LINGO1: variants seen among roughly 807,000 people sequenced by gnomAD.
The protein encoded by LINGO1 is leucine rich repeat and Ig domain containing 1, also known as leucine-rich repeat and immunoglobulin-like domain-containing nogo receptor-interacting protein 1.
Under a neutral mutation model 37.3 loss-of-function variants are expected in LINGO1, and 11 were observed. The observed-to-expected ratio is 0.29, with a 90% CI of 0.19 to 0.49. The LOEUF (loss-of-function observed/expected upper bound fraction) is 0.49, where lower values mean the gene tolerates loss of function less well. Among genes scored for constraint, LINGO1 ranks in the 20% least tolerant of loss-of-function variants. The pLI, the probability that LINGO1 is intolerant of heterozygous loss-of-function variation, is 0.99. For synonymous variants in LINGO1, 387 were observed against 403.0 expected, an observed-to-expected ratio of 0.96 and a Z score of 0.48; for missense variants, 585 against 878.2, an observed-to-expected ratio of 0.67 and a Z score of 4.22.
At chr15:77,790,248 C>T (rs2076808169), upstream of LINGO1, among the ~76,000 whole-genome samples, 1 of 152,226 alleles carries the variant, frequency 6.6e-6, no homozygotes, top group South Asian at 2.1e-4. Flanking sequence ...CACACCCCTG[C>T]CCCTCTCTAA....
intron 2 of LINGO1, among the ~76,000 whole-genome samples, chr15:77,704,094 A>G (rs1442720384): frequency 6.6e-6 from 1 of 152,170 alleles, no homozygotes; most frequent in Non-Finnish European, 1.5e-5. Context: ...ATCCTGTAAG[A>G]TGAGGGCAAT....
chr15:77,724,468 TC>T (rs1242232794), intron 2 of LINGO1, among the ~76,000 whole-genome samples: 2 of 152,028 alleles, frequency 1.3e-5, no homozygotes, highest in African/African-American at 4.8e-5. Flanking sequence ...TCGAACACAT[TC>T]CCCCAGCTGC....
intron 1 of LINGO1, among the ~76,000 whole-genome samples, chr15:77,797,450 T>G (rs1170764889): frequency 6.6e-6 from 1 of 152,212 alleles, no homozygotes; most frequent in East Asian, 1.9e-4. Flanking sequence ...CAGGTGTGAT[T>G]TCCGGATGTG....
At chr15:77,649,714 G>A (rs2074716140) in intron 3 of LINGO1, among the ~76,000 whole-genome samples, 1 of 152,144 alleles carries the variant, frequency 6.6e-6, no homozygotes, top group African/African-American at 2.4e-5. Flanking sequence ...GCAGTTAGGG[G>A]CTCTGGAATC....
chr15:77,638,151 G>C (rs938122217), upstream of LINGO1, among the ~76,000 whole-genome samples: 1 of 152,214 alleles, frequency 6.6e-6, no homozygotes, highest in African/African-American at 2.4e-5. Flanking sequence ...AATGAGGTCT[G>C]GGCCTGGCCC....
chr15:77,646,358 C>T (rs1477826534), intron 3 of LINGO1: 1 of 424,298 alleles, frequency 2.4e-6, no homozygotes, highest in African/African-American at 2.1e-5. Flanking sequence ...ATGGCACCCA[C>T]ATTGGCACCC....
At chr15:77,800,519 C>T (rs1322567741) in intron 1 of LINGO1, among the ~76,000 whole-genome samples, 2 of 152,174 alleles carry the variant, frequency 1.3e-5, no homozygotes, top group Non-Finnish European at 2.9e-5. Context: ...CCCCTCCCCT[C>T]CCCCAGAGCC....
At chr15:77,745,145 A>AC (rs2076301360) in intron 1 of LINGO1, among the ~76,000 whole-genome samples, 2 of 135,104 alleles carry the variant, frequency 1.5e-5, no homozygotes, top group South Asian at 4.8e-4. Flanking sequence ...AAAAAAAAAA[A>AC]GGCTGGGCAC....
Position 77,711,885 on chromosome 15 carries a change from G to GA in LINGO1, c.-194-20985_-194-20984insT, listed in dbSNP as rs199814942. 4.4e-3 allele frequency among the ~76,000 whole-genome samples: 592 copies of GA among 136,076 alleles called. 12 individuals carry two copies. Among genetic ancestry groups the GA allele is most frequent in the Admixed American group, 0.03 (433 of 14,486 alleles). The allele number at this position is 136,076 out of a possible 152,430, so 89.3% of individuals were successfully genotyped here. ...CTAGGCCTCTGTTCTCTCCTCTGAG[G>GA]GGGGGGCACACAGCGACATTCTGCA... On this transcript the variant is annotated intron_variant, in intron 2 of 3. Coordinates refer to the LINGO1 transcript ENST00000561686.
At position 77,726,928 on chromosome 15, in the gene LINGO1, G is replaced by T. The variant is rs569581810; in HGVS notation, c.-195+8064C>A. The stretch of plus-strand genomic sequence containing the variant: ...ATAATCCAATCAAAAATTGGCAAAG[G>T]ACTTGAATAGACATTTCTCAAAAGA... On this transcript the variant is annotated intron_variant, in intron 2 of 3. Transcript: ENST00000561686. Among the ~76,000 whole-genome samples, 7 of 152,270 alleles carry T rather than the reference G, an allele frequency of 4.6e-5. No individual in the cohort carries two copies. The South Asian group carries it at 1.5e-3, about 32-fold the overall frequency.
At chr15:77,780,627 T>C (rs1235562411) in intron 1 of LINGO1, among the ~76,000 whole-genome samples, 1 of 152,012 alleles carries the variant, frequency 6.6e-6, no homozygotes, top group East Asian at 1.9e-4. Flanking sequence ...TCCTGGCAAA[T>C]TTATACATCC....
chr15:77,621,153 C>T (rs1181898692), intron 1 of LINGO1, among the ~76,000 whole-genome samples: 1 of 151,832 alleles, frequency 6.6e-6, no homozygotes, highest in Non-Finnish European at 1.5e-5. Flanking sequence ...CTCCCAGGTT[C>T]AAGTGATTTT....
rs1196933903 is a variant in LINGO1, at chr15:77,632,169, G to A, written c.6+141C>T. 1 of 753,400 alleles carries A rather than the reference G, an allele frequency of 1.3e-6. No homozygotes were observed. Among genetic ancestry groups the A allele is most frequent in the Non-Finnish European group, 1.8e-6 (1 of 550,536 alleles). 46.7% of individuals were successfully genotyped at this position (753,400 alleles called of 1,614,324 possible). A position where few individuals can be genotyped will look rare whatever the true frequency, so the allele number is the denominator to read the frequency against. ...TTTCTGAGGCTTGAGGGGAAATCAG[G>A]CCTATGACCCCAAAGGAGGTCTGGG... On this transcript the variant is annotated intron_variant, in intron 1 of 1. Transcript: ENST00000355300. The surrounding 1 kb of genome is among the most constrained non-coding windows in gnomAD (Gnocchi z 6.0).
In LINGO1 at chr15:77,614,708, T is replaced by G. The variant is rs1312827264; in HGVS notation, c.1199A>C (p.Glu400Ala). 6.2e-7 allele frequency: 1 copy of G among 1,609,416 alleles called. No homozygotes were observed. Among genetic ancestry groups the G allele is most frequent in the Non-Finnish European group, 8.5e-7 (1 of 1,178,000 alleles). ...CTTGAACTCCTTGCCCTGGACAAAC[T>G]CGGGCGTGGCGCACGTGGGCTGCTG... is the stretch of plus-strand genomic sequence containing the variant. Reference protein sequence around the residue: ...NRQQPTCATPEFVQGKEFKDF... With the variant: ...NRQQPTCATPAFVQGKEFKDF... The change falls in exon 2 of 2, where the codon GAG (glutamate) becomes GCG (alanine). Residue 400 changes from glutamate to alanine, a missense_variant. Coordinates refer to ENST00000355300, the MANE Select transcript of LINGO1 (RefSeq NM_032808.7).
chr15:77,733,274 T>C (rs993575493), intron 2 of LINGO1, among the ~76,000 whole-genome samples: 15 of 152,218 alleles, frequency 9.9e-5, no homozygotes, highest in South Asian at 4.2e-4. Flanking sequence ...AGTGTCCAAG[T>C]ACGGAGGAGA....
At chr15:77,738,175 C>T (rs2076221390) in intron 1 of LINGO1, among the ~76,000 whole-genome samples, 1 of 152,138 alleles carries the variant, frequency 6.6e-6, no homozygotes, top group Non-Finnish European at 1.5e-5. Context: ...TCCTCTGCCC[C>T]GCCCTGGCCA....
intron 3 of LINGO1, among the ~76,000 whole-genome samples, chr15:77,674,599 T>G (rs1303423418): frequency 6.6e-6 from 1 of 152,082 alleles, no homozygotes; most frequent in African/African-American, 2.4e-5. Flanking sequence ...TGCTCCTGAC[T>G]CAGGGTCCTC....
chr15:77,818,469 C>T (rs1437292866), intron 1 of LINGO1, among the ~76,000 whole-genome samples: 1 of 152,190 alleles, frequency 6.6e-6, no homozygotes, highest in African/African-American at 2.4e-5. Context: ...CACGCGGGGG[C>T]ATGGCTCCAA....
intron 1 of LINGO1, among the ~76,000 whole-genome samples, chr15:77,786,174 C>T (rs2076768718): frequency 6.6e-6 from 1 of 152,170 alleles, no homozygotes; most frequent in Non-Finnish European, 1.5e-5. Context: ...CATGCAAGAC[C>T]CACCAGCCCT....
Sources: allele counts gnomAD v4.1 joint callset (sites outside exome capture counted in the v4.1 genomes callset), GRCh38; gene constraint gnomAD v4.1.1; non-coding constraint Gnocchi (gnomAD v3.1); transcripts MANE v1.5; gene names NCBI Gene and HGNC (gene_info 2026-07-23, HGNC 2026-07-21).